Variants in STARD13 observed in about 807,000 individuals in gnomAD.
The protein encoded by STARD13 is stAR-related lipid transfer protein 13.
STARD13 carries 62 observed loss-of-function variants against 106.4 expected under a neutral mutation model. The observed-to-expected ratio is 0.58, with a 90% confidence interval of 0.48 to 0.72. The LOEUF (loss-of-function observed/expected upper bound fraction) is 0.72. Ranked by LOEUF, STARD13 falls within the 30% of genes least tolerant of loss-of-function variation. The pLI is 0.00. For missense variants in STARD13, 1,387 were observed against 1,424.0 expected, an observed-to-expected ratio of 0.97 and a Z score of 0.42; for synonymous variants, 565 against 553.0, an observed-to-expected ratio of 1.02 and a Z score of -0.31.
chr13:33,629,126 T>G, the STARD13 span, among the ~76,000 whole-genome samples: 1 of 152,102 alleles, frequency 6.6e-6, no homozygotes, highest in Non-Finnish European at 1.5e-5. Flanking sequence ...GTAGGCCAGG[T>G]CCCCAGTTCA....
intron 1 of STARD13, among the ~76,000 whole-genome samples, chr13:33,340,586 AT>A (rs1056436935): frequency 1.2e-3 from 184 of 152,318 alleles, no homozygotes; most frequent in African/African-American, 4.3e-3. Context: ...AATTTCCTAT[AT>A]AGGAAGGAGA....
chr13:33,198,811 C>T (rs1886816710), intron 1 of STARD13, among the ~76,000 whole-genome samples: 1 of 152,174 alleles, frequency 6.6e-6, no homozygotes, highest in African/African-American at 2.4e-5. Flanking sequence ...ATAAATGGTG[C>T]TACTGCATCT....
chr13:33,124,768 T>C (rs1876901510), intron 7 of STARD13, among the ~76,000 whole-genome samples: 1 of 152,186 alleles, frequency 6.6e-6, no homozygotes, highest in Non-Finnish European at 1.5e-5. Flanking sequence ...GCTGACTCTA[T>C]TGGGATGTGA....
the STARD13 span, among the ~76,000 whole-genome samples, chr13:33,365,592 G>C: frequency 6.6e-6 from 1 of 152,160 alleles, no homozygotes; most frequent in African/African-American, 2.4e-5. Context: ...AGATTATCTA[G>C]AAGATAAAAT....
the STARD13 span, among the ~76,000 whole-genome samples, chr13:33,655,105 A>T: frequency 6.6e-6 from 1 of 152,236 alleles, no homozygotes; most frequent in African/African-American, 2.4e-5. Context: ...CTTTGTTTTA[A>T]TTGACTTTAA....
At chr13:33,287,389 G>C (rs543011917), upstream of STARD13, among the ~76,000 whole-genome samples, 4 of 152,290 alleles carry the variant, frequency 2.6e-5, no homozygotes, top group East Asian at 7.7e-4. Flanking sequence ...CACGTAGTTG[G>C]TAATTGTCAG....
the STARD13 span, among the ~76,000 whole-genome samples, chr13:33,524,873 T>C: frequency 6.6e-6 from 1 of 152,134 alleles, no homozygotes; most frequent in South Asian, 2.1e-4. Flanking sequence ...ACTTAAAATC[T>C]ACTCTCGGCA....
In STARD13 at chr13:33,143,469, T is replaced by G. The variant is rs148085315; in HGVS notation, c.324-1096A>C. Among the ~76,000 whole-genome samples the G allele has an allele frequency of 1.0e-3, 158 of 152,358 alleles. 1 individual carries two copies. Among genetic ancestry groups the G allele is most frequent in the African/African-American group, 3.6e-3 (151 of 41,582 alleles). On this transcript the variant is annotated intron_variant, in intron 3 of 13. Coordinates refer to ENST00000336934, the MANE Select transcript of STARD13 (RefSeq NM_178006.4). ...TGAGTATACCAATAATCATTCAGCT[T>G]AGTTCCTGAGTATGAAGACACACAA...
At chr13:33,478,110 A>C in the STARD13 span, among the ~76,000 whole-genome samples, 2 of 152,142 alleles carry the variant, frequency 1.3e-5, no homozygotes, top group Non-Finnish European at 2.9e-5. Flanking sequence ...ATGTAACTAC[A>C]TTCCTTTTTC....
chr13:33,215,058 A>G (rs1456370526), intron 1 of STARD13, among the ~76,000 whole-genome samples: 2 of 143,172 alleles, frequency 1.4e-5, no homozygotes, highest in Admixed American at 1.5e-4. Context: ...AGTGAACAAG[A>G]AAATGCTTTG....
At position 33,157,499 on chromosome 13, in the gene STARD13, C is replaced by G. The variant is rs954613409; in HGVS notation, c.323+7838G>C. Among the ~76,000 whole-genome samples, 14 of 152,184 alleles carry G rather than the reference C, an allele frequency of 9.2e-5. 1 individual carries two copies. The highest frequency in any genetic ancestry group is 2.6e-4 in the African/African-American group (11 of 41,522). ...CCTGGCCAACATGGAGAAACCCCAT[C>G]GCTAATAAAAATACAAAAAATGTAG... On this transcript the variant is annotated intron_variant, in intron 3 of 13. Coordinates refer to ENST00000336934, the MANE Select transcript of STARD13 (RefSeq NM_178006.4).
chr13:33,404,822 G>T, the STARD13 span, among the ~76,000 whole-genome samples: 371 of 150,178 alleles, frequency 2.5e-3, 3 homozygotes, highest in Non-Finnish European at 3.0e-3. Flanking sequence ...TGTCGCCCAG[G>T]CTGGAGTGCA....
At chr13:33,306,960 CAAAA>C (rs55804905) in intron 1 of STARD13, among the ~76,000 whole-genome samples, 1 of 145,794 alleles carries the variant, frequency 6.9e-6, no homozygotes, top group Non-Finnish European at 1.5e-5. Flanking sequence ...AAAAAAGAAA[CAAAA>C]AAAAAAAGAA....
chr13:33,109,826 G>A (rs770946358), intron 12 of STARD13, 47 bp downstream of exon 12: 47 of 1,585,860 alleles, frequency 3.0e-5, no homozygotes, highest in Non-Finnish European at 3.7e-5. Flanking sequence ...TACAGTTCGC[G>A]TCCTGCCTTT....
At chr13:33,340,675 A>G (rs953061158) in intron 1 of STARD13, among the ~76,000 whole-genome samples, 5 of 152,264 alleles carry the variant, frequency 3.3e-5, no homozygotes, top group African/African-American at 1.2e-4. Context: ...AACCAGAAAC[A>G]TAAGATTCTG....
chr13:33,258,280 G>A (rs1315871698), intron 1 of STARD13, among the ~76,000 whole-genome samples: 1 of 152,196 alleles, frequency 6.6e-6, no homozygotes, highest in African/African-American at 2.4e-5. Flanking sequence ...TTATGTGATT[G>A]GAGTGAATGC....
At chr13:33,152,781 T>A (rs962682345) in intron 3 of STARD13, among the ~76,000 whole-genome samples, 2 of 152,314 alleles carry the variant, frequency 1.3e-5, no homozygotes, top group African/African-American at 4.8e-5. Flanking sequence ...TCCCTTGTGC[T>A]CAAGCACAAG....
chr13:33,487,148 G>T, the STARD13 span, among the ~76,000 whole-genome samples: 1 of 152,162 alleles, frequency 6.6e-6, no homozygotes, highest in Non-Finnish European at 1.5e-5. Context: ...CATTAATAAA[G>T]CCTGTATCAC....
At chr13:33,350,230 G>A (rs955924129) in intron 1 of STARD13, 8 of 1,464,526 alleles carry the variant, frequency 5.5e-6, no homozygotes, top group South Asian at 1.4e-5. Flanking sequence ...GGGCCCGGGC[G>A]GGCTACGGGG....
Sources: gnomAD v4.1 joint callset for allele counts (sites outside exome capture counted in the v4.1 genomes callset) on GRCh38, gnomAD v4.1.1 for gene constraint, MANE v1.5 for transcripts, NCBI Gene and HGNC (gene_info 2026-07-23, HGNC 2026-07-21) for gene names.